MTMR6: variants seen among roughly 807,000 people sequenced by gnomAD.
MTMR6 encodes the protein myotubularin related protein 6, also known as phosphatidylinositol-3,5-bisphosphate 3-phosphatase MTMR6.
A neutral mutation model predicts 80.1 loss-of-function variants in MTMR6; 47 were observed. The observed-to-expected ratio is 0.59, with a 90% CI of 0.46 to 0.75. The LOEUF (loss-of-function observed/expected upper bound fraction) is 0.75. MTMR6 is among the 30% of genes least tolerant of loss of function. The pLI, the probability that MTMR6 is intolerant of heterozygous loss-of-function variation, is 0.00. For missense variants in MTMR6, 629 were observed against 730.9 expected, an observed-to-expected ratio of 0.86 and a Z score of 1.61; for synonymous variants, 254 against 253.0, an observed-to-expected ratio of 1.00 and a Z score of -0.04.
At chr13:25,262,844 T>A (rs1434761426) in intron 5 of MTMR6, among the ~76,000 whole-genome samples, 3 of 152,256 alleles carry the variant, frequency 2.0e-5, no homozygotes, top group Admixed American at 6.5e-5. Flanking sequence ...TAAATTCTTT[T>A]CAGACCTACT....
At chr13:25,258,006 T>C (rs1055069904) in intron 7 of MTMR6, among the ~76,000 whole-genome samples, 161 bp from the exon 8 acceptor site, 4 of 152,260 alleles carry the variant, frequency 2.6e-5, no homozygotes, top group African/African-American at 9.6e-5. Flanking sequence ...AACTGATTCT[T>C]GGATATATTT....
chr13:25,287,292 A>T lies in MTMR6; in HGVS notation c.-45T>A, dbSNP rs1380712071. The T allele has an allele frequency of 7.0e-6, 11 of 1,573,152 alleles. No individual in the cohort carries two copies. The South Asian group carries it at 1.2e-4, about 17-fold the overall frequency. On this transcript the variant is annotated 5_prime_UTR_variant, in exon 1 of 14. Transcript: ENST00000381801. ...GCAGCCGGTCTCACAGGCGTACCAT[A>T]CGGCTACAGAAACAGGGCGGTGACA...
chr13:25,249,522 C>G, intron 13 of MTMR6, 30 bp from the exon 14 acceptor site: 1 of 1,600,354 alleles, frequency 6.2e-7, no homozygotes, highest in Non-Finnish European at 8.5e-7. Context: ...GAAAAAATTA[C>G]TAATTGCATA....
At position 25,261,726 on chromosome 13, in the gene MTMR6, G is replaced by T; in HGVS notation, c.668C>A (p.Ala223Asp). 6.2e-7 allele frequency: 1 copy of T among 1,613,806 alleles called. No individual in the cohort carries two copies. Among genetic ancestry groups the T allele is most frequent in the Non-Finnish European group, 8.5e-7 (1 of 1,179,798 alleles). Residue 223 changes from alanine (A) to aspartate (D), a missense_variant, in exon 6 of 14, where the codon GCC (alanine) becomes GAC (aspartate). Physicochemically the swap from Ala to Asp is moderately radical, Grantham distance 126. Coordinates refer to ENST00000381801, the MANE Select transcript of MTMR6 (RefSeq NM_004685.5). ...ATTGACTGGATTGGCTTTACTAATG[G>T]CTTGAAGCAAATGTTCATCCTCCAG... ...RCLEDEHLLQAISKANPVNRY... is the reference protein window; with the variant it reads ...RCLEDEHLLQDISKANPVNRY...
In MTMR6 at chr13:25,280,916, G is replaced by A. The variant is rs74777409; in HGVS notation, c.24+6308C>T. 4.9e-3 allele frequency among the ~76,000 whole-genome samples: 752 copies of A among 152,158 alleles called. 33 individuals carry two copies. The East Asian group carries it at 0.093, about 19-fold the overall frequency. ...TTTAGTTGAATTGTTGCCAACTATG[G>A]GCCTGCACTAAAAGGTACCCTAATG... On this transcript the variant is annotated intron_variant, in intron 1 of 13. Coordinates refer to ENST00000381801, the MANE Select transcript of MTMR6 (RefSeq NM_004685.5).
intron 5 of MTMR6, among the ~76,000 whole-genome samples, chr13:25,264,775 A>AAAAAAAAAAAAAAAAAAAAG (rs1491106020): frequency 7.5e-6 from 1 of 133,648 alleles, no homozygotes; most frequent in Non-Finnish European, 1.6e-5. Context: ...AAAAAAAAAA[A>AAAAAAAAAAAAAAAAAAAAG]GAAATTTCAG....
chr13:25,260,558 G>A (rs762986738), intron 6 of MTMR6: 17 of 1,225,004 alleles, frequency 1.4e-5, no homozygotes, highest in South Asian at 9.2e-5. Context: ...AACCACTTGC[G>A]TTCTATATTG....
intron 5 of MTMR6, among the ~76,000 whole-genome samples, chr13:25,262,704 T>C (rs1312469348): frequency 6.6e-6 from 1 of 152,188 alleles, no homozygotes; most frequent in African/African-American, 2.4e-5. Flanking sequence ...ATTTAAAAGA[T>C]TTAGATCCAT....
At chr13:25,258,758 A>G in intron 6 of MTMR6, 66 bp from the exon 7 acceptor site, 3 of 1,358,230 alleles carry the variant, frequency 2.2e-6, no homozygotes, top group Non-Finnish European at 2.9e-6. Flanking sequence ...ATGTCATGAA[A>G]ATATTAAATA....
intron 3 of MTMR6, among the ~76,000 whole-genome samples, chr13:25,266,535 C>G (rs143639285): frequency 1.3e-5 from 2 of 152,274 alleles, no homozygotes; most frequent in East Asian, 3.9e-4. Context: ...GTTAGACTTA[C>G]ATGTTAAATC....
rs932920721 is a variant in MTMR6 at position 25,285,395 on chromosome 13, C to A, written c.24+1829G>T. On this transcript the variant is annotated intron_variant, in intron 1 of 13. Coordinates refer to ENST00000381801, the MANE Select transcript of MTMR6 (RefSeq NM_004685.5). ...TGATTTTTTATTCTTTTCCGCCCCCCCCCCCCCAATTATGTCACCCAGGCT... is the reference window on the plus strand; with the variant it reads ...TGATTTTTTATTCTTTTCCGCCCCCACCCCCCCAATTATGTCACCCAGGCT... 1.4e-4 allele frequency among the ~76,000 whole-genome samples: 19 copies of A among 132,916 alleles called. 2 individuals carry two copies. In the South Asian group the frequency reaches 6.1e-3, roughly 43 times the overall value. 87.2% of individuals were successfully genotyped at this position (132,916 alleles called of 152,430 possible). A position where few individuals can be genotyped will look rare whatever the true frequency, so the allele number is the denominator to read the frequency against.
At chr13:25,285,785 C>T (rs1343866991) in intron 1 of MTMR6, among the ~76,000 whole-genome samples, 2 of 152,102 alleles carry the variant, frequency 1.3e-5, no homozygotes, top group Non-Finnish European at 2.9e-5. Flanking sequence ...CCGCCCACCT[C>T]GGCCTCCCAC....
At chr13:25,278,101 T>C (rs1337388817) in intron 1 of MTMR6, among the ~76,000 whole-genome samples, 1 of 152,206 alleles carries the variant, frequency 6.6e-6, no homozygotes, top group African/African-American at 2.4e-5. Flanking sequence ...AATCCGTATT[T>C]TTCATAAGTT....
At chr13:25,275,817 C>G (rs985899744) in intron 1 of MTMR6, among the ~76,000 whole-genome samples, 1 of 145,464 alleles carries the variant, frequency 6.9e-6, no homozygotes, top group African/African-American at 2.6e-5. Flanking sequence ...GCCAAGATTG[C>G]ACCACTGCAC....
At chr13:25,266,814 T>C (rs1281666349) in intron 3 of MTMR6, among the ~76,000 whole-genome samples, 3 of 152,218 alleles carry the variant, frequency 2.0e-5, no homozygotes, top group African/African-American at 7.2e-5. Flanking sequence ...TACAGGCTGA[T>C]GTGCTCAGAG....
chr13:25,273,214 C>T (rs943774952), intron 2 of MTMR6, among the ~76,000 whole-genome samples: 1 of 151,794 alleles, frequency 6.6e-6, no homozygotes, highest in African/African-American at 2.4e-5. Flanking sequence ...TTGGAACAAC[C>T]ATTTTGAAGA....
At chr13:25,254,579 A>G in intron 9 of MTMR6, 145 bp from the exon 10 acceptor site, 1 of 639,290 alleles carries the variant, frequency 1.6e-6, no homozygotes, top group Non-Finnish European at 2.7e-6. Context: ...CAGGCAAAAG[A>G]ATGCCAAAAC....
At chr13:25,287,148 C>A in intron 1 of MTMR6, 76 bp downstream of exon 1, 1 of 1,538,548 alleles carries the variant, frequency 6.5e-7, no homozygotes, top group Non-Finnish European at 8.7e-7. Flanking sequence ...GTCAGGCCAG[C>A]AGAGCCTTCG....
Position 25,277,178 on chromosome 13 carries a change from C to T in MTMR6, c.25-2991G>A, listed in dbSNP as rs187347620. ...TACTCCTCCATCCTTATCAAGTCAC[C>T]CACACTGGAAATCCGTGAATGATCC... On this transcript the variant is annotated intron_variant, in intron 1 of 13. Coordinates refer to ENST00000381801, the MANE Select transcript of MTMR6 (RefSeq NM_004685.5). Among the ~76,000 whole-genome samples, 30 of 152,280 alleles carry T rather than the reference C, an allele frequency of 2.0e-4. No homozygotes were observed. In the South Asian group the frequency reaches 3.7e-3, roughly 19 times the overall value.
Sources: allele counts gnomAD v4.1 joint callset (sites outside exome capture counted in the v4.1 genomes callset), GRCh38; gene constraint gnomAD v4.1.1; transcripts MANE v1.5; gene names NCBI Gene and HGNC (gene_info 2026-07-23, HGNC 2026-07-21).